TRIO: variants seen among roughly 807,000 people sequenced by gnomAD.
The protein encoded by TRIO is triple functional domain protein.
Under a neutral mutation model 351.9 loss-of-function variants are expected in TRIO, and 58 were observed. The observed-to-expected ratio is 0.16, with a 90% CI of 0.13 to 0.21. The LOEUF is 0.21. Among genes scored for constraint, TRIO ranks in the 10% least tolerant of loss-of-function variants. TRIO has a pLI of 1.00. For synonymous variants in TRIO, 1,758 were observed against 1,595.7 expected (o/e 1.10, Z -2.42); for missense variants, 3,201 against 4,027.8 (o/e 0.79, Z 5.56).
At chr5:14,211,974 AAAAC>A (rs1312897221) in intron 1 of TRIO, among the ~76,000 whole-genome samples, 14 of 151,528 alleles carry the variant, frequency 9.2e-5, no homozygotes, top group East Asian at 3.9e-4. Flanking sequence ...CAAAAAAACA[AAAAC>A]AAACAAACAA....
At chr5:14,470,548 C>T (rs933653915) in intron 37 of TRIO, among the ~76,000 whole-genome samples, 2 of 152,186 alleles carry the variant, frequency 1.3e-5, no homozygotes, top group African/African-American at 4.8e-5. Flanking sequence ...GTCATTGTCA[C>T]ATTAATCCAA....
chr5:14,476,729 G>GT (rs1755101312), intron 40 of TRIO, among the ~76,000 whole-genome samples, 165 bp from the exon 41 acceptor site: 1 of 151,862 alleles, frequency 6.6e-6, no homozygotes, highest in African/African-American at 2.4e-5. Context: ...AGGAGGCGGA[G>GT]GTTGCAGTGA....
intron 7 of TRIO, 87 bp downstream of exon 7, chr5:14,297,350 T>C (rs1737453010): frequency 2.8e-6 from 4 of 1,434,500 alleles, no homozygotes; most frequent in Admixed American, 2.2e-5. Flanking sequence ...AACACTCTTG[T>C]GTAGCACATA....
chr5:14,441,047 T>TGGGCC (rs2126341831), intron 34 of TRIO: 1 of 152,248 alleles, frequency 6.6e-6, no homozygotes, highest in Non-Finnish European at 1.5e-5. Flanking sequence ...AGGCGCGCGC[T>TGGGCC]GGGCCGGGCC....
At chr5:14,421,626 T>A (rs1417348768) in intron 34 of TRIO, among the ~76,000 whole-genome samples, 2 of 148,384 alleles carry the variant, frequency 1.3e-5, no homozygotes, top group African/African-American at 5.0e-5. Flanking sequence ...AAAAAGATTG[T>A]TTGTTCCCTT....
intron 1 of TRIO, among the ~76,000 whole-genome samples, chr5:14,242,968 G>A (rs186005398): frequency 7.9e-5 from 12 of 152,276 alleles, no homozygotes; most frequent in Admixed American, 3.9e-4. Flanking sequence ...TACCTTGCTC[G>A]GGCAGAGGGA....
At chr5:14,195,580 C>T (rs543155780) in intron 1 of TRIO, among the ~76,000 whole-genome samples, 3 of 152,304 alleles carry the variant, frequency 2.0e-5, no homozygotes, top group East Asian at 3.9e-4. Flanking sequence ...ATTTTGTACT[C>T]ATTCATGATT....
chr5:14,429,306 C>A (rs1279824415), intron 34 of TRIO, among the ~76,000 whole-genome samples: 1 of 152,144 alleles, frequency 6.6e-6, no homozygotes, highest in Non-Finnish European at 1.5e-5. Context: ...CCAGACAGAC[C>A]CGAGTGTGGC....
At chr5:14,145,873 C>T (rs1387079828) in intron 1 of TRIO, among the ~76,000 whole-genome samples, 2 of 152,200 alleles carry the variant, frequency 1.3e-5, no homozygotes, top group Non-Finnish European at 2.9e-5. Context: ...GTGCTGCCCC[C>T]GCCGCCAGGG....
At chr5:14,388,761 G>T in intron 24 of TRIO, 82 bp downstream of exon 24, 1 of 1,449,512 alleles carries the variant, frequency 6.9e-7, no homozygotes, top group Admixed American at 2.2e-5. Context: ...CCTGTTGGTA[G>T]TCCTTAGAAT....
chr5:14,316,362 T>C, intron 8 of TRIO, 151 bp from the exon 9 acceptor site: 2 of 733,672 alleles, frequency 2.7e-6, no homozygotes, highest in African/African-American at 3.5e-5. Context: ...AAAACTGTGG[T>C]GTGTGAATGA....
chr5:14,233,093 G>T (rs1031773339), intron 1 of TRIO, among the ~76,000 whole-genome samples: 7 of 152,110 alleles, frequency 4.6e-5, no homozygotes, highest in Non-Finnish European at 1.0e-4. Flanking sequence ...GGGGTGTAAG[G>T]TTCATTGGAA....
chr5:14,459,679 A>G lies in TRIO; in HGVS notation c.5204-1340A>G, dbSNP rs186037826. On this transcript the variant is annotated intron_variant, in intron 34 of 56. Coordinates refer to ENST00000344204, the MANE Select transcript of TRIO (RefSeq NM_007118.4). ...CTTGAACCCGGGAGGCAGAGATTGC[A>G]GTGAGCTGAGATTGTGCCACAGCAC... 6.6e-5 allele frequency among the ~76,000 whole-genome samples: 10 copies of G among 152,354 alleles called. No individual in the cohort carries two copies. The East Asian group carries it at 1.9e-3, about 29-fold the overall frequency.
chr5:14,192,087 T>A (rs1250299510), intron 1 of TRIO, among the ~76,000 whole-genome samples: 5 of 152,172 alleles, frequency 3.3e-5, no homozygotes. Context: ...ATATCTAGCA[T>A]TAGTAATGGC....
chr5:14,185,975 T>C lies in TRIO; in HGVS notation c.157+42093T>C, dbSNP rs529293435. The stretch of plus-strand genomic sequence containing the variant: ...CGATTCCTAGTTGTGCCCTAGTAAA[T>C]GTTTTCAGAATATTTTCCTAGGCAG... On this transcript the variant is annotated intron_variant, in intron 1 of 56. Transcript: ENST00000344204. 7.5e-4 allele frequency among the ~76,000 whole-genome samples: 115 copies of C among 152,336 alleles called. 1 individual carries two copies. Among genetic ancestry groups the C allele is most frequent in the Middle Eastern group, 3.4e-3 (1 of 294 alleles).
chr5:14,364,619 G>T, intron 14 of TRIO, 31 bp from the exon 15 acceptor site: 1 of 1,581,290 alleles, frequency 6.3e-7, no homozygotes, highest in South Asian at 1.2e-5. Flanking sequence ...AGTGCTAGCT[G>T]AATTCTAGGG....
intron 1 of TRIO, among the ~76,000 whole-genome samples, chr5:14,254,060 A>C (rs1195806839): frequency 1.3e-5 from 2 of 152,088 alleles, no homozygotes; most frequent in Non-Finnish European, 2.9e-5. Flanking sequence ...TCTCAGATTT[A>C]ATTTCTAATA....
chr5:14,206,808 CT>C (rs1248599795), intron 1 of TRIO, among the ~76,000 whole-genome samples: 3 of 152,192 alleles, frequency 2.0e-5, no homozygotes, highest in African/African-American at 7.2e-5. Context: ...TAAGTACCTA[CT>C]GCTGTTTTGG....
At chr5:14,219,218 T>A (rs1263558997) in intron 1 of TRIO, among the ~76,000 whole-genome samples, 1 of 122,642 alleles carries the variant, frequency 8.2e-6, no homozygotes, top group Non-Finnish European at 1.7e-5. Context: ...AGGAGGATGA[T>A]TTGCTTTCTT....
Sources: gnomAD v4.1 joint callset for allele counts (sites outside exome capture counted in the v4.1 genomes callset) on GRCh38, gnomAD v4.1.1 for gene constraint, MANE v1.5 for transcripts, NCBI Gene and HGNC (gene_info 2026-07-23, HGNC 2026-07-21) for gene names.